Variants in CLSTN2 observed in about 807,000 individuals in gnomAD.
The protein encoded by CLSTN2 is calsyntenin 2.
A neutral mutation model predicts 101.2 loss-of-function variants in CLSTN2; 48 were observed. That is an observed-to-expected ratio of 0.47 (90% CI 0.38 to 0.60). The LOEUF is 0.60. CLSTN2 is among the 20% of genes least tolerant of loss of function. The probability of loss-of-function intolerance (pLI) is 0.00; values close to 1 mark genes in which losing one functional copy is unlikely to be tolerated. For missense variants in CLSTN2, 1,160 were observed against 1,238.2 expected (o/e 0.94, Z 0.95); for synonymous variants, 481 against 463.6 (o/e 1.04, Z -0.48).
rs114482550 is a variant in CLSTN2 at position 140,349,511 on chromosome 3, T to C, written c.233-54118T>C. Among the ~76,000 whole-genome samples the C allele has an allele frequency of 2.6e-3, 403 of 152,302 alleles. 2 individuals carry two copies. The highest frequency in any genetic ancestry group is 8.5e-3 in the African/African-American group (354 of 41,570). ...ATTGATTCAAGAAGCATTTGTTTGT[T>C]CCCTTAATACAATCCTGTAGATTCT... is the stretch of plus-strand genomic sequence containing the variant. On this transcript the variant is annotated intron_variant, in intron 2 of 16. Transcript: ENST00000458420.
intron 12 of CLSTN2, among the ~76,000 whole-genome samples, chr3:140,560,867 A>G (rs1283294208): frequency 2.0e-5 from 3 of 152,204 alleles, no homozygotes; most frequent in African/African-American, 7.2e-5. Context: ...ATGCACATAC[A>G]GCATTGCTAA....
chr3:140,179,620 C>CAAAAAAAA (rs57433306), intron 2 of CLSTN2, among the ~76,000 whole-genome samples: 3 of 37,460 alleles, frequency 8.0e-5, no homozygotes, highest in African/African-American at 1.6e-4. Flanking sequence ...GACCCTATCT[C>CAAAAAAAA]AAAAAAAAAA....
intron 2 of CLSTN2, among the ~76,000 whole-genome samples, chr3:140,359,943 T>A (rs887800441): frequency 1.3e-5 from 2 of 151,862 alleles, no homozygotes; most frequent in Non-Finnish European, 1.5e-5. Flanking sequence ...ATATACACTT[T>A]ATATATGTAT....
chr3:140,372,258 C>G (rs564400666), intron 2 of CLSTN2, among the ~76,000 whole-genome samples: 2 of 152,294 alleles, frequency 1.3e-5, no homozygotes, highest in South Asian at 2.1e-4. Flanking sequence ...CGTTGCTGGT[C>G]TCATCTATAG....
intron 5 of CLSTN2, among the ~76,000 whole-genome samples, chr3:140,447,081 G>T (rs1251115568): frequency 2.6e-5 from 4 of 152,324 alleles, no homozygotes; most frequent in Admixed American, 2.6e-4. Context: ...GGCCCATTGG[G>T]AACTGAGTAG....
chr3:140,047,873 T>G (rs565765750), intron 1 of CLSTN2, among the ~76,000 whole-genome samples: 31 of 152,350 alleles, frequency 2.0e-4, no homozygotes, highest in African/African-American at 7.2e-4. Flanking sequence ...CTCTCAATGC[T>G]GCCACAATAG....
Position 140,401,224 on chromosome 3 carries a change from G to A in CLSTN2, c.233-2405G>A, listed in dbSNP as rs1343014442. 9.2e-5 allele frequency among the ~76,000 whole-genome samples: 14 copies of A among 152,320 alleles called. No homozygotes were observed. The East Asian group carries it at 2.7e-3, about 29-fold the overall frequency. Reference sequence around the variant, plus strand: ...CAGGTGAAGAGGTGGGATAAATGAGGGTGACATGAATGTTAGGTTCTGTTC... The same window carrying A: ...CAGGTGAAGAGGTGGGATAAATGAGAGTGACATGAATGTTAGGTTCTGTTC... On this transcript the variant is annotated intron_variant, in intron 2 of 16. Coordinates refer to ENST00000458420, the MANE Select transcript of CLSTN2 (RefSeq NM_022131.3).
chr3:140,493,570 G>A (rs958258360), intron 8 of CLSTN2, among the ~76,000 whole-genome samples: 4 of 152,160 alleles, frequency 2.6e-5, no homozygotes, highest in Admixed American at 1.3e-4. Context: ...TCTGTGGGCC[G>A]TCACCAAGAA....
intron 2 of CLSTN2, among the ~76,000 whole-genome samples, chr3:140,202,010 TTCA>T (rs1027201807): frequency 1.3e-4 from 20 of 152,190 alleles, no homozygotes; most frequent in Non-Finnish European, 2.6e-4. Flanking sequence ...CTCTGATGTT[TTCA>T]GCAGAGGCAA....
At chr3:140,220,558 C>A (rs1208621676) in intron 2 of CLSTN2, among the ~76,000 whole-genome samples, 16 of 152,196 alleles carry the variant, frequency 1.1e-4, no homozygotes, top group African/African-American at 3.9e-4. Context: ...GTTATTATTA[C>A]CTGAATAACT....
chr3:140,272,190 GA>G (rs895398818), intron 2 of CLSTN2, among the ~76,000 whole-genome samples: 2 of 152,194 alleles, frequency 1.3e-5, no homozygotes, highest in African/African-American at 2.4e-5. Flanking sequence ...GATATTGGGG[GA>G]AAAAACAGTT....
intron 2 of CLSTN2, among the ~76,000 whole-genome samples, chr3:140,344,182 A>G (rs2087518975): frequency 6.6e-6 from 1 of 152,070 alleles, no homozygotes; most frequent in Non-Finnish European, 1.5e-5. Flanking sequence ...TACCCCTCCC[A>G]TGTGTGTCAT....
At chr3:140,503,508 T>C (rs192212695) in intron 8 of CLSTN2, among the ~76,000 whole-genome samples, 1 of 152,240 alleles carries the variant, frequency 6.6e-6, no homozygotes, top group Non-Finnish European at 1.5e-5. Flanking sequence ...TTTGTGTGAG[T>C]GCACTCTATG....
At chr3:140,196,037 A>T (rs1344897966) in intron 2 of CLSTN2, among the ~76,000 whole-genome samples, 1 of 152,214 alleles carries the variant, frequency 6.6e-6, no homozygotes, top group Non-Finnish European at 1.5e-5. Flanking sequence ...GATGATGGGC[A>T]GCTCCCTAGT....
intron 1 of CLSTN2, among the ~76,000 whole-genome samples, chr3:139,959,675 C>T (rs1054772697): frequency 2.0e-5 from 3 of 152,118 alleles, no homozygotes; most frequent in Non-Finnish European, 2.9e-5. Context: ...GTCATCTCTT[C>T]TGCAAGTCTC....
chr3:140,065,847 G>A (rs1010482681), intron 1 of CLSTN2, among the ~76,000 whole-genome samples: 1 of 152,150 alleles, frequency 6.6e-6, no homozygotes, highest in Admixed American at 6.5e-5. Flanking sequence ...GAAATATTAA[G>A]CCTCAATGGG....
chr3:140,348,813 A>G (rs901297116), intron 2 of CLSTN2, among the ~76,000 whole-genome samples: 4 of 152,188 alleles, frequency 2.6e-5, no homozygotes, highest in Non-Finnish European at 5.9e-5. Flanking sequence ...TGTGTCAAAG[A>G]TACACATCCA....
chr3:140,321,952 C>G (rs1218781000), intron 2 of CLSTN2, among the ~76,000 whole-genome samples: 1 of 152,208 alleles, frequency 6.6e-6, no homozygotes, highest in East Asian at 1.9e-4. Flanking sequence ...CCAGAGCATC[C>G]TCAGCTGGTG....
intron 2 of CLSTN2, among the ~76,000 whole-genome samples, chr3:140,248,556 C>A (rs774502359): frequency 2.6e-5 from 4 of 152,106 alleles, no homozygotes; most frequent in Non-Finnish European, 5.9e-5. Flanking sequence ...CCTAGGAAGA[C>A]AATCGTTGGC....
Sources: allele counts gnomAD v4.1 joint callset (sites outside exome capture counted in the v4.1 genomes callset), GRCh38; gene constraint gnomAD v4.1.1; transcripts MANE v1.5; gene names NCBI Gene and HGNC (gene_info 2026-07-23, HGNC 2026-07-21).